The following DENND1B variants were observed in gnomAD, a reference collection of about 807,000 sequenced individuals.
DENND1B encodes the protein DENN domain-containing protein 1B.
Under a neutral mutation model 90.1 loss-of-function variants are expected in DENND1B, and 59 were observed. That is an observed-to-expected ratio of 0.65 (90% CI 0.53 to 0.81). DENND1B has a LOEUF of 0.81. Ranked by LOEUF, DENND1B falls within the 40% of genes least tolerant of loss-of-function variation. The probability of loss-of-function intolerance (pLI) is 0.00; values close to 1 mark genes in which losing one functional copy is unlikely to be tolerated. For synonymous variants in DENND1B, 337 were observed against 324.6 expected (o/e 1.04, Z -0.41); for missense variants, 862 against 912.6 (o/e 0.94, Z 0.71).
intron 16 of DENND1B, among the ~76,000 whole-genome samples, chr1:197,549,215 G>C (rs771706711): frequency 3.5e-4 from 53 of 152,132 alleles, no homozygotes; most frequent in African/African-American, 1.4e-4. Flanking sequence ...TTTATGCCAA[G>C]ACTTTCTCCT....
intron 15 of DENND1B, among the ~76,000 whole-genome samples, chr1:197,573,131 C>G (rs780535847): frequency 2.6e-5 from 4 of 152,016 alleles, no homozygotes; most frequent in Non-Finnish European, 5.9e-5. Context: ...TTTTTGGTCT[C>G]TATTTCCTTC....
At chr1:197,558,086 A>G (rs1159857668) in intron 15 of DENND1B, among the ~76,000 whole-genome samples, 1 of 151,888 alleles carries the variant, frequency 6.6e-6, no homozygotes, top group African/African-American at 2.4e-5. Flanking sequence ...TAACAATAAA[A>G]GTGACATCGA....
intron 2 of DENND1B, among the ~76,000 whole-genome samples, chr1:197,762,860 T>C (rs769672362): frequency 1.3e-5 from 2 of 152,164 alleles, no homozygotes; most frequent in African/African-American, 2.4e-5. Context: ...GGCCCATCCA[T>C]GTTGTAGCAC....
Position 197,726,461 on chromosome 1 carries a change from T to C in DENND1B, c.83-11387A>G, listed in dbSNP as rs141587303. Among the ~76,000 whole-genome samples the C allele has an allele frequency of 1.2e-3, 181 of 152,158 alleles. No individual in the cohort carries two copies. In the East Asian group the frequency reaches 0.031, roughly 26 times the overall value. On this transcript the variant is annotated intron_variant, in intron 2 of 22. Coordinates refer to ENST00000620048, the MANE Select transcript of DENND1B (RefSeq NM_001195215.2). ...GTCCAGGAGCCAAGTGCAGCAATAA[T>C]GAAATAGGATATACTTCAAACAATG...
intron 20 of DENND1B, among the ~76,000 whole-genome samples, chr1:197,524,449 T>A (rs924930467): frequency 3.9e-5 from 6 of 152,116 alleles, no homozygotes; most frequent in Admixed American, 3.9e-4. Flanking sequence ...TCACATACCA[T>A]CCAAGCGGCA....
intron 14 of DENND1B, among the ~76,000 whole-genome samples, chr1:197,593,162 G>A (rs1355252318): frequency 6.6e-6 from 1 of 151,774 alleles, no homozygotes; most frequent in African/African-American, 2.4e-5. Context: ...TACAAGTAAT[G>A]TATAAAGATA....
At chr1:197,777,629 A>C (rs762097380), upstream of DENND1B, among the ~76,000 whole-genome samples, 4 of 152,218 alleles carry the variant, frequency 2.6e-5, no homozygotes, top group Admixed American at 6.5e-5. Flanking sequence ...AGAGAAGTGT[A>C]CAAAGGGCAA....
intron 9 of DENND1B, among the ~76,000 whole-genome samples, chr1:197,645,145 A>C (rs978712862): frequency 1.3e-5 from 2 of 152,114 alleles, no homozygotes; most frequent in Admixed American, 1.3e-4. Flanking sequence ...AATTTTAGCA[A>C]TTTTTAAAAT....
chr1:197,764,518 ATATACT>A (rs1655465851), intron 2 of DENND1B, among the ~76,000 whole-genome samples: 1 of 152,156 alleles, frequency 6.6e-6, no homozygotes, highest in African/African-American at 2.4e-5. Flanking sequence ...CTCTGACTAA[ATATACT>A]TATACACTTA....
intron 10 of DENND1B, among the ~76,000 whole-genome samples, chr1:197,624,689 G>C (rs577809909): frequency 6.6e-6 from 1 of 152,030 alleles, no homozygotes; most frequent in African/African-American, 2.4e-5. Flanking sequence ...CGAGTTGAGA[G>C]AAGAAGGCTT....
intron 15 of DENND1B, among the ~76,000 whole-genome samples, chr1:197,563,723 G>A (rs1333930250): frequency 1.3e-5 from 2 of 151,992 alleles, no homozygotes; most frequent in Admixed American, 6.6e-5. Context: ...TAGGGCTACA[G>A]CTACCATAGG....
At chr1:197,718,877 T>G (rs908902686) in intron 2 of DENND1B, among the ~76,000 whole-genome samples, 6 of 152,110 alleles carry the variant, frequency 3.9e-5, no homozygotes, top group Non-Finnish European at 1.5e-5. Flanking sequence ...AAAGCTGGAT[T>G]GGCAAGGGAA....
intron 16 of DENND1B, among the ~76,000 whole-genome samples, chr1:197,550,330 C>T (rs1253255110): frequency 1.3e-5 from 2 of 152,032 alleles, no homozygotes; most frequent in Non-Finnish European, 2.9e-5. Flanking sequence ...GCCACATAGA[C>T]ACATGTGGAA....
At chr1:197,725,624 G>C (rs1172640631) in intron 2 of DENND1B, among the ~76,000 whole-genome samples, 2 of 150,828 alleles carry the variant, frequency 1.3e-5, no homozygotes. Flanking sequence ...CTCTGAAAAA[G>C]ACTATAGCCT....
In DENND1B at chr1:197,722,316, A is replaced by G. The variant is rs116129488; in HGVS notation, c.83-7242T>C. On this transcript the variant is annotated intron_variant, in intron 2 of 22. Coordinates refer to ENST00000620048, the MANE Select transcript of DENND1B (RefSeq NM_001195215.2). ...TTTTAATCACCCAAAGTTACACTGT[A>G]TCCTGTGTCTGGAGCTAGTAACTAT... Among the ~76,000 whole-genome samples, 941 of 152,228 alleles carry G rather than the reference A, an allele frequency of 6.2e-3. 12 individuals are homozygous for G. Among genetic ancestry groups the G allele is most frequent in the African/African-American group, 0.022 (910 of 41,560 alleles).
chr1:197,551,078 AACACACAC>A (rs760567251), intron 16 of DENND1B, among the ~76,000 whole-genome samples: 1 of 87,538 alleles, frequency 1.1e-5, no homozygotes, highest in African/African-American at 4.2e-5. Flanking sequence ...CCATTTTATA[AACACACAC>A]ACACACACAC....
intron 13 of DENND1B, among the ~76,000 whole-genome samples, chr1:197,603,043 T>G (rs1269854639): frequency 6.6e-6 from 1 of 151,408 alleles, no homozygotes; most frequent in African/African-American, 2.4e-5. Flanking sequence ...TAAATATGCT[T>G]CATACAAAAT....
chr1:197,652,396 T>A, intron 6 of DENND1B, 81 bp from the exon 7 acceptor site: 1 of 1,068,500 alleles, frequency 9.4e-7, no homozygotes, highest in Non-Finnish European at 1.3e-6. Flanking sequence ...TAAAATAATC[T>A]ACTATGGCTT....
At position 197,586,317 on chromosome 1, in the gene DENND1B, T is replaced by C. The variant is rs78625640; in HGVS notation, c.1048-3064A>G. Among the ~76,000 whole-genome samples, 106 of 152,318 alleles carry C rather than the reference T, an allele frequency of 7.0e-4. No homozygotes were observed. The East Asian group carries it at 0.02, about 29-fold the overall frequency. ...TTCAGACTAAATTTTTTTAGGAATA[T>C]AGCAATTTTTCACAAAAATGTTTTA... On this transcript the variant is annotated intron_variant, in intron 14 of 22. Transcript: ENST00000620048.
Sources: allele counts gnomAD v4.1 joint callset (sites outside exome capture counted in the v4.1 genomes callset), GRCh38; gene constraint gnomAD v4.1.1; transcripts MANE v1.5; gene names NCBI Gene and HGNC (gene_info 2026-07-23, HGNC 2026-07-21).